Variants in BPTF observed in about 807,000 individuals in gnomAD.
The protein encoded by BPTF is bromodomain PHD finger transcription factor, also known as nucleosome-remodeling factor subunit BPTF.
Under a neutral mutation model 292.5 loss-of-function variants are expected in BPTF, and 18 were observed. The observed-to-expected ratio is 0.06, with a 90% CI of 0.04 to 0.09. BPTF has a LOEUF of 0.09. Ranked by LOEUF, BPTF falls within the 10% of genes least tolerant of loss-of-function variation. The pLI, the probability that BPTF is intolerant of heterozygous loss-of-function variation, is 1.00. For missense variants in BPTF, 2,726 were observed against 3,498.7 expected (o/e 0.78, Z 5.57); for synonymous variants, 1,225 against 1,251.9 (o/e 0.98, Z 0.45).
intron 3 of BPTF, among the ~76,000 whole-genome samples, chr17:67,872,118 G>A (rs1392821765): frequency 1.3e-5 from 2 of 152,128 alleles, no homozygotes; most frequent in East Asian, 1.9e-4. Context: ...GAGCCACTGC[G>A]CCCAGCCCTG....
intron 3 of BPTF, among the ~76,000 whole-genome samples, chr17:67,874,058 A>T (rs1267350464): frequency 1.3e-5 from 2 of 151,932 alleles, no homozygotes; most frequent in East Asian, 3.9e-4. Context: ...GGACTCGGAA[A>T]AAGTCCCCAG....
Position 67,964,361 on chromosome 17 carries a change from A to C in BPTF, c.8411A>C (p.Glu2804Ala). Residue 2804 changes from glutamate to alanine, a missense_variant, in exon 25 of 28, where the codon GAG becomes GCG. Glu to Ala is a moderately radical substitution (Grantham distance 107, BLOSUM62 -1). Around this residue, in one of 22 missense-constraint regions of BPTF, gnomAD observed 48 missense variants for 114.2 expected, o/e 0.42. Coordinates refer to ENST00000306378, the MANE Select transcript of BPTF (RefSeq NM_182641.4). Reference sequence around the variant, plus strand: ...ATGACAGTGCTCACGCCACTAACAGAGAAGGATTATGAGGGGTTGAAGAGG... The same window carrying C: ...ATGACAGTGCTCACGCCACTAACAGCGAAGGATTATGAGGGGTTGAAGAGG... ...DAMTVLTPLT[E>A]KDYEGLKRVL... 6.2e-7 allele frequency: 1 copy of C among 1,614,198 alleles called. No individual in the cohort carries two copies. Among genetic ancestry groups the C allele is most frequent in the Non-Finnish European group, 8.5e-7 (1 of 1,180,024 alleles).
intron 20 of BPTF, 156 bp downstream of exon 20, chr17:67,944,528 G>A: frequency 1.3e-6 from 1 of 765,506 alleles, no homozygotes; most frequent in South Asian, 1.8e-5. Context: ...ACGTCTCGAA[G>A]CTTTTGTACC....
chr17:67,966,374 C>G (rs1190030022), intron 25 of BPTF, 198 bp from the exon 26 acceptor site: 16 of 505,886 alleles, frequency 3.2e-5, no homozygotes, highest in African/African-American at 3.0e-4. Context: ...AGTCTTCTGA[C>G]CAGCCTTTGA....
At chr17:67,920,492 T>G (rs565107367) in intron 13 of BPTF, among the ~76,000 whole-genome samples, 1 of 152,274 alleles carries the variant, frequency 6.6e-6, no homozygotes, top group South Asian at 2.1e-4. Flanking sequence ...GATATGTAAG[T>G]GGGTCAATAA....
rs537752674 is a variant in BPTF, at chr17:67,963,139, A to T, written c.8262-1073A>T. Reference sequence around the variant, plus strand: ...TGTTGAAACTGATGTGAGTGACTTTATGTTTCCACATGTGATAGAGCATCA... The same window carrying T: ...TGTTGAAACTGATGTGAGTGACTTTTTGTTTCCACATGTGATAGAGCATCA... On this transcript the variant is annotated intron_variant, in intron 24 of 27. Transcript: ENST00000306378. Among the ~76,000 whole-genome samples, 10 of 152,220 alleles carry T rather than the reference A, an allele frequency of 6.6e-5. 1 individual carries two copies. Among genetic ancestry groups the T allele is most frequent in the Admixed American group, 2.0e-4 (3 of 15,286 alleles).
Position 67,929,409 on chromosome 17 carries a change from T to A in BPTF, c.6072T>A (p.Thr2024=), listed in dbSNP as rs1598731906. The change falls in exon 17 of 28, where the codon ACT becomes ACA. Residue 2024 remains threonine (T), a synonymous_variant. Coordinates refer to ENST00000306378, the MANE Select transcript of BPTF (RefSeq NM_182641.4). The stretch of plus-strand genomic sequence containing the variant: ...CAGGTACCAGTCAGCAAACCTTTAC[T>A]TCATTCCAGCCCAGGACAGCAACAG... ...SSTGTSQQTF[T]SFQPRTATVT... The A allele has an allele frequency of 6.2e-7, 1 of 1,614,178 alleles. No homozygotes were observed. The highest frequency in any genetic ancestry group is 1.7e-5 in the Admixed American group (1 of 59,996).
intron 26 of BPTF, among the ~76,000 whole-genome samples, chr17:67,970,877 A>G (rs1555690457): frequency 6.6e-6 from 1 of 152,168 alleles, no homozygotes; most frequent in African/African-American, 2.4e-5. Flanking sequence ...ATGCCACTGG[A>G]CATCTTTGTT....
intron 18 of BPTF, 56 bp from the exon 19 acceptor site, chr17:67,940,383 A>G: frequency 2.0e-6 from 3 of 1,493,214 alleles, no homozygotes; most frequent in Non-Finnish European, 2.8e-6. Flanking sequence ...AATTATTTCA[A>G]TTCAAAATAA....
At chr17:67,873,992 C>CTGGATGGATGGATGGATGGATGGA (rs34261763) in intron 3 of BPTF, among the ~76,000 whole-genome samples, 52 of 150,446 alleles carry the variant, frequency 3.5e-4, no homozygotes, top group African/African-American at 1.2e-3. Context: ...TAAGAAAATG[C>CTGGATGGATGGATGGATGGATGGA]TGGATGGATG....
intron 23 of BPTF, among the ~76,000 whole-genome samples, chr17:67,949,722 A>G (rs1267574880): frequency 6.6e-6 from 1 of 151,970 alleles, no homozygotes; most frequent in Non-Finnish European, 1.5e-5. Flanking sequence ...TATATAATTT[A>G]CACATAATTA....
chr17:67,970,017 T>G (rs1555689994), intron 26 of BPTF, among the ~76,000 whole-genome samples: 1 of 152,096 alleles, frequency 6.6e-6, no homozygotes, highest in Non-Finnish European at 1.5e-5. Context: ...GCAGATCACC[T>G]GAGGTTGGGA....
At chr17:67,924,475 GA>G in intron 14 of BPTF, 71 bp from the exon 15 acceptor site, 6 of 1,441,428 alleles carry the variant, frequency 4.2e-6, no homozygotes, top group Non-Finnish European at 5.8e-6. Flanking sequence ...AAATCAACCA[GA>G]TTTCACTCTT....
intron 4 of BPTF, among the ~76,000 whole-genome samples, chr17:67,883,579 T>C (rs2060560175): frequency 6.6e-6 from 1 of 152,138 alleles, no homozygotes; most frequent in African/African-American, 2.4e-5. Flanking sequence ...TATTCTTGAA[T>C]GTTGCTTGTT....
intron 6 of BPTF, 69 bp downstream of exon 6, chr17:67,893,794 G>C (rs1477130745): frequency 7.3e-7 from 1 of 1,370,140 alleles, no homozygotes; most frequent in African/African-American, 1.5e-5. Context: ...TGTTGTAGTT[G>C]TGCATTTGAA....
At chr17:67,828,303 A>G (rs1405397280) in intron 1 of BPTF, among the ~76,000 whole-genome samples, 2 of 152,156 alleles carry the variant, frequency 1.3e-5, no homozygotes, top group African/African-American at 4.8e-5. Flanking sequence ...CAGAGCCGGT[A>G]ATTGAAACAC....
At chr17:67,855,020 A>G (rs1296701082) in intron 2 of BPTF, among the ~76,000 whole-genome samples, 1 of 152,092 alleles carries the variant, frequency 6.6e-6, no homozygotes, top group Non-Finnish European at 1.5e-5. Context: ...TCTAGTTGGG[A>G]CTGGGCACAG....
At chr17:67,957,492 A>G (rs1319630481) in intron 23 of BPTF, among the ~76,000 whole-genome samples, 1 of 152,208 alleles carries the variant, frequency 6.6e-6, no homozygotes, top group South Asian at 2.1e-4. Context: ...ACCTGAGGGT[A>G]GGAATTGAAG....
rs542113566 is a variant in BPTF at position 67,930,804 on chromosome 17, G to A, written c.6151-1107G>A. ...ACTAAAAATACAAAAAATTAGCTGG[G>A]CATGGTGGCATGTGCCTGTAGTCCC... On this transcript the variant is annotated intron_variant, in intron 17 of 27. Coordinates refer to ENST00000306378, the MANE Select transcript of BPTF (RefSeq NM_182641.4). Among the ~76,000 whole-genome samples the A allele has an allele frequency of 3.9e-4, 60 of 151,908 alleles. 1 individual carries two copies. Among genetic ancestry groups the A allele is most frequent in the Non-Finnish European group, 7.9e-4 (54 of 67,994 alleles).
Sources: gnomAD v4.1 joint callset for allele counts (sites outside exome capture counted in the v4.1 genomes callset) on GRCh38, gnomAD v4.1.1 for gene constraint, gnomAD v4.1.1 regional missense constraint, MANE v1.5 for transcripts, NCBI Gene and HGNC (gene_info 2026-07-23, HGNC 2026-07-21) for gene names.